Variants in SAG observed in about 807,000 individuals in gnomAD.
SAG encodes the protein S-arrestin.
SAG carries 45 observed loss-of-function variants against 55.0 expected under a neutral mutation model. That is an observed-to-expected ratio of 0.82 (90% CI 0.64 to 1.05). The LOEUF (loss-of-function observed/expected upper bound fraction) is 1.05, where lower values mean the gene tolerates loss of function less well. SAG is among the 50% of genes least tolerant of loss of function. SAG has a pLI of 0.00. For missense variants in SAG, 455 were observed against 512.1 expected (o/e 0.89, Z 1.08); for synonymous variants, 189 against 197.4 (o/e 0.96, Z 0.36).
Position 233,342,338 on chromosome 2 carries a change from C to A in SAG, c.1102+12C>A. 1 of 1,592,702 alleles carries A rather than the reference C, an allele frequency of 6.3e-7. No individual in the cohort carries two copies. The highest frequency in any genetic ancestry group is 1.1e-5 in the South Asian group (1 of 88,348). On this transcript the variant is annotated intron_variant, in intron 14 of 15. Transcript: ENST00000409110. ...GCCTGAGGACCCAGGTCAGTTATGT[C>A]CTTTTTTAGCTTTCTTTAATTATTT...
intron 14 of SAG, chr2:233,344,951 A>C (rs34891595): frequency 0.37 from 56,159 of 151,982 alleles, 10,639 homozygotes; most frequent in South Asian, 0.43. Flanking sequence ...CGCTTAGTGT[A>C]ATTTCTTCGC....
chr2:233,337,687 C>T (rs949938043), intron 11 of SAG, among the ~76,000 whole-genome samples: 8 of 152,164 alleles, frequency 5.3e-5, no homozygotes, highest in Admixed American at 1.3e-4. Flanking sequence ...ACCTGCTGGC[C>T]GCCGCCCCAA....
At chr2:233,346,668 G>C in intron 15 of SAG, 139 bp from the exon 16 acceptor site, 1 of 755,094 alleles carries the variant, frequency 1.3e-6, no homozygotes, top group Non-Finnish European at 2.3e-6. Flanking sequence ...ACGAAGCCTT[G>C]AGGAAAATGG....
intron 8 of SAG, 91 bp downstream of exon 8, chr2:233,328,704 C>T: frequency 5.9e-6 from 8 of 1,362,394 alleles, no homozygotes; most frequent in Non-Finnish European, 8.0e-6. Flanking sequence ...CCCTTAACTA[C>T]ATGGGTGCCT....
chr2:233,315,191 G>A (rs6431283), intron 2 of SAG, among the ~76,000 whole-genome samples: 9,457 of 151,792 alleles, frequency 0.062, 754 homozygotes, highest in African/African-American at 0.19. Flanking sequence ...CCCTCAGTGC[G>A]TGGCTTTAGG....
At chr2:233,326,729 T>A (rs1700570465) in intron 6 of SAG, among the ~76,000 whole-genome samples, 1 of 152,166 alleles carries the variant, frequency 6.6e-6, no homozygotes, top group Admixed American at 6.5e-5. Flanking sequence ...GCGCTGGCCC[T>A]GTGAGTGCCT....
chr2:233,320,438 G>C (rs1216634303), intron 4 of SAG, among the ~76,000 whole-genome samples, 192 bp from the exon 5 acceptor site: 1 of 152,184 alleles, frequency 6.6e-6, no homozygotes, highest in African/African-American at 2.4e-5. Flanking sequence ...CCTTTAGAGC[G>C]GTGAACCCTC....
At chr2:233,318,691 T>C (rs1700285022) in intron 3 of SAG, 60 bp from the exon 4 acceptor site, 1 of 1,383,012 alleles carries the variant, frequency 7.2e-7, no homozygotes. Context: ...GTTTTTAAAG[T>C]AGGTGTCTGG....
At chr2:233,341,990 G>A (rs1466040764) in intron 13 of SAG, among the ~76,000 whole-genome samples, 2 of 152,122 alleles carry the variant, frequency 1.3e-5, no homozygotes, top group Non-Finnish European at 2.9e-5. Context: ...AGGCCATGGT[G>A]GCATGCATTT....
chr2:233,337,490 C>T (rs1369503680), intron 11 of SAG, among the ~76,000 whole-genome samples: 1 of 152,146 alleles, frequency 6.6e-6, no homozygotes, highest in Non-Finnish European at 1.5e-5. Flanking sequence ...CTGCCCGCCT[C>T]CGTCTCCCAA....
chr2:233,337,691 G>A lies in SAG; in HGVS notation c.945-985G>A, dbSNP rs149167071. Among the ~76,000 whole-genome samples, 21 of 152,256 alleles carry A rather than the reference G, an allele frequency of 1.4e-4. No homozygotes were observed. The East Asian group carries it at 2.7e-3, about 20-fold the overall frequency. On this transcript the variant is annotated intron_variant, in intron 11 of 15. Transcript: ENST00000409110. Reference sequence around the variant, plus strand: ...CCAGGCCCAGCACCTGCTGGCCGCCGCCCCAACTCTTTTTCCAGAGCTGTT... The same window carrying A: ...CCAGGCCCAGCACCTGCTGGCCGCCACCCCAACTCTTTTTCCAGAGCTGTT...
At chr2:233,328,303 T>C (rs1158702706) in intron 7 of SAG, 175 bp from the exon 8 acceptor site, 2 of 652,176 alleles carry the variant, frequency 3.1e-6, no homozygotes, top group African/African-American at 3.7e-5. Flanking sequence ...CCCAGGCTCT[T>C]CCACCGTCAG....
At chr2:233,334,249 G>T (rs1700855257) in intron 10 of SAG, 3 of 152,270 alleles carry the variant, frequency 2.0e-5, no homozygotes, top group Admixed American at 2.0e-4. Flanking sequence ...GTGAGTGGAG[G>T]AGCCAACTCT....
In SAG at chr2:233,315,991, C is replaced by T. The variant is rs112149360; in HGVS notation, c.76-84C>T. Reference sequence around the variant, plus strand: ...CTAAGATTACAGGTGTGAGCCACCGCGCCCGGGCTGCTGCTGGTTTTTATC... The same window carrying T: ...CTAAGATTACAGGTGTGAGCCACCGTGCCCGGGCTGCTGCTGGTTTTTATC... On this transcript the variant is annotated intron_variant, in intron 2 of 15. Transcript: ENST00000409110. 39,742 of 807,622 alleles carry T rather than the reference C, an allele frequency of 0.049. 1,242 individuals are homozygous for T. Among genetic ancestry groups the T allele is most frequent in the African/African-American group, 0.096 (5,576 of 57,972 alleles). The allele number at this position is 807,622 out of a possible 1,614,324, so 50.0% of individuals were successfully genotyped here. A position where few individuals can be genotyped will look rare whatever the true frequency, so the allele number is the denominator to read the frequency against.
Position 233,309,229 on chromosome 2 carries a change from C to A in SAG, c.40C>A (p.His14Asn). Residue 14 changes from histidine to asparagine, a missense_variant, in exon 2 of 16, where the codon CAT (histidine) becomes AAT (asparagine). His to Asn is a moderately conservative substitution (Grantham distance 68). Transcript: ENST00000409110. ...GAAGACCAGCAAGTCCGAACCGAAC[C>A]ATGTTATCTTCAAGAAGATCTCCCG... The part of the protein sequence containing the change: ...SGKTSKSEPN[H>N]VIFKKISRDK... 1 of 1,613,816 alleles carries A rather than the reference C, an allele frequency of 6.2e-7. No individual in the cohort carries two copies. The highest frequency in any genetic ancestry group is 8.5e-7 in the Non-Finnish European group (1 of 1,179,790).
chr2:233,343,528 T>G (rs1173479621), intron 14 of SAG: 2 of 343,008 alleles, frequency 5.8e-6, no homozygotes, highest in African/African-American at 4.5e-5. Context: ...ATGCAATAGT[T>G]GTATGACTCT....
chr2:233,328,370 TG>T (rs1399563010), intron 7 of SAG, 107 bp from the exon 8 acceptor site: 1 of 1,354,770 alleles, frequency 7.4e-7, no homozygotes, highest in East Asian at 2.4e-5. Context: ...CCTGTCTCCA[TG>T]GGGAGCATTC....
intron 14 of SAG, 128 bp from the exon 15 acceptor site, chr2:233,346,275 C>T: frequency 1.0e-6 from 1 of 978,832 alleles, no homozygotes; most frequent in Non-Finnish European, 1.6e-6. Flanking sequence ...GTATCTAGGC[C>T]TTATCTCTCA....
At chr2:233,314,260 C>T (rs1159869814) in intron 2 of SAG, among the ~76,000 whole-genome samples, 1 of 152,004 alleles carries the variant, frequency 6.6e-6, no homozygotes, top group East Asian at 1.9e-4. Flanking sequence ...CTCCATGCGC[C>T]ACACGGCAGT....
Sources: allele counts gnomAD v4.1 joint callset (sites outside exome capture counted in the v4.1 genomes callset), GRCh38; gene constraint gnomAD v4.1.1; transcripts MANE v1.5; gene names NCBI Gene and HGNC (gene_info 2026-07-23, HGNC 2026-07-21).